NCKAP5: variants seen among roughly 807,000 people sequenced by gnomAD.
NCKAP5 encodes NCK associated protein 5.
NCKAP5 carries 92 observed loss-of-function variants against 167.0 expected under a neutral mutation model. The observed-to-expected ratio is 0.55, with a 90% CI of 0.47 to 0.66. The LOEUF is 0.66. Ranked by LOEUF, NCKAP5 falls within the 30% of genes least tolerant of loss-of-function variation. The pLI is 0.00. For missense variants in NCKAP5, 2,378 were observed against 2,315.0 expected (o/e 1.03, Z -0.56); for synonymous variants, 891 against 877.4 (o/e 1.02, Z -0.27).
At chr2:133,361,273 T>A (rs1685087567) in intron 3 of NCKAP5, among the ~76,000 whole-genome samples, 1 of 152,096 alleles carries the variant, frequency 6.6e-6, no homozygotes. Flanking sequence ...CATGTCCAGT[T>A]GAAGAACAGG....
intron 6 of NCKAP5, among the ~76,000 whole-genome samples, chr2:133,050,226 A>C (rs1322928443): frequency 3.3e-5 from 5 of 152,170 alleles, no homozygotes; most frequent in Non-Finnish European, 7.4e-5. Context: ...CACTTGGCAT[A>C]GTCTTAGTTA....
intron 3 of NCKAP5, among the ~76,000 whole-genome samples, chr2:133,357,288 GACACACACACACACACACAC>G (rs10635907): frequency 1.1e-4 from 15 of 140,190 alleles, no homozygotes; most frequent in Non-Finnish European, 2.0e-4. Flanking sequence ...CACATACACA[GACACACACACACACACACAC>G]ACACACACAC....
chr2:133,152,538 A>C (rs1395365024), intron 5 of NCKAP5, among the ~76,000 whole-genome samples: 1 of 152,208 alleles, frequency 6.6e-6, no homozygotes, highest in Admixed American at 6.5e-5. Context: ...GAAAAATTAT[A>C]ATTTCTCCCA....
chr2:133,281,364 A>G (rs560309622), intron 4 of NCKAP5, among the ~76,000 whole-genome samples: 1 of 152,146 alleles, frequency 6.6e-6, no homozygotes, highest in Admixed American at 6.6e-5. Flanking sequence ...TTTTCAATCT[A>G]TTTATTTTTA....
chr2:132,741,920 G>T (rs60814282), intron 16 of NCKAP5, among the ~76,000 whole-genome samples: 1 of 151,972 alleles, frequency 6.6e-6, no homozygotes, highest in Admixed American at 6.6e-5. Flanking sequence ...GGGCTTGTGC[G>T]TATGCAAGGC....
chr2:132,979,807 GA>G (rs2077077681), intron 7 of NCKAP5, among the ~76,000 whole-genome samples: 1 of 152,042 alleles, frequency 6.6e-6, no homozygotes, highest in African/African-American at 2.4e-5. Context: ...ATCTTCTCCA[GA>G]AGCTTTGCAT....
At chr2:133,228,556 G>A (rs1035510014) in intron 4 of NCKAP5, among the ~76,000 whole-genome samples, 10 of 152,100 alleles carry the variant, frequency 6.6e-5, no homozygotes, top group African/African-American at 2.4e-4. Flanking sequence ...ATATTTCTGT[G>A]TATTCCCACT....
intron 4 of NCKAP5, among the ~76,000 whole-genome samples, chr2:133,250,928 TCAAACAAA>T (rs201137645): frequency 5.9e-5 from 9 of 151,714 alleles, no homozygotes; most frequent in South Asian, 2.1e-4. Flanking sequence ...AGACCCTGTC[TCAAACAAA>T]CAAACAAACA....
At chr2:133,577,047 A>C in the NCKAP5 span, among the ~76,000 whole-genome samples, 1 of 152,204 alleles carries the variant, frequency 6.6e-6, no homozygotes, top group Non-Finnish European at 1.5e-5. Flanking sequence ...GGCAACTCAT[A>C]GAAATGCATT....
intron 3 of NCKAP5, among the ~76,000 whole-genome samples, chr2:133,424,072 A>T (rs1689642753): frequency 6.6e-6 from 1 of 152,192 alleles, no homozygotes; most frequent in Non-Finnish European, 1.5e-5. Context: ...ATTTAATGTG[A>T]CCCTGGGCAA....
chr2:133,281,499 T>C (rs561100600), intron 4 of NCKAP5, among the ~76,000 whole-genome samples: 1 of 152,286 alleles, frequency 6.6e-6, no homozygotes, highest in Admixed American at 6.5e-5. Flanking sequence ...GAATTTCTTA[T>C]GAAAGGAATA....
chr2:133,077,706 T>A (rs2080656755), intron 6 of NCKAP5, among the ~76,000 whole-genome samples: 2 of 152,180 alleles, frequency 1.3e-5, no homozygotes, highest in Non-Finnish European at 2.9e-5. Context: ...AAGGCTAGGC[T>A]TTTCTGATAA....
chr2:133,250,924 T>G (rs113684802), intron 4 of NCKAP5, among the ~76,000 whole-genome samples: 1 of 151,136 alleles, frequency 6.6e-6, no homozygotes, highest in Non-Finnish European at 1.5e-5. Context: ...GGTGAGACCC[T>G]GTCTCAAACA....
intron 8 of NCKAP5, among the ~76,000 whole-genome samples, chr2:132,934,009 C>G (rs1696647997): frequency 6.6e-6 from 1 of 152,208 alleles, no homozygotes; most frequent in South Asian, 2.1e-4. Context: ...AGCCCAACCT[C>G]TTCTCTACAG....
chr2:133,370,524 A>G (rs1224901496), intron 3 of NCKAP5, among the ~76,000 whole-genome samples: 1 of 152,156 alleles, frequency 6.6e-6, no homozygotes, highest in South Asian at 2.1e-4. Flanking sequence ...CTGGGTGATA[A>G]ATTGCCAGAT....
At chr2:133,279,697 C>T (rs1312988050) in intron 4 of NCKAP5, among the ~76,000 whole-genome samples, 1 of 152,210 alleles carries the variant, frequency 6.6e-6, no homozygotes, top group Non-Finnish European at 1.5e-5. Flanking sequence ...CTATACTTTT[C>T]AGCCACAACT....
intron 8 of NCKAP5, among the ~76,000 whole-genome samples, chr2:132,906,704 G>A (rs1694033845): frequency 6.6e-6 from 1 of 152,130 alleles, no homozygotes; most frequent in African/African-American, 2.4e-5. Flanking sequence ...GAATGGAAAG[G>A]GATAGTGGTG....
intron 3 of NCKAP5, among the ~76,000 whole-genome samples, chr2:133,435,435 T>C (rs1690413641): frequency 6.6e-6 from 1 of 152,148 alleles, no homozygotes; most frequent in Non-Finnish European, 1.5e-5. Flanking sequence ...GATAATAGGA[T>C]GACTAGGCAC....
intron 6 of NCKAP5, among the ~76,000 whole-genome samples, chr2:133,086,394 A>G (rs866946976): frequency 6.6e-6 from 1 of 152,150 alleles, no homozygotes; most frequent in Admixed American, 6.6e-5. Flanking sequence ...TCTCCGCACT[A>G]TGGGAGAACG....
Sources: allele counts gnomAD v4.1 joint callset (sites outside exome capture counted in the v4.1 genomes callset), GRCh38; gene constraint gnomAD v4.1.1; transcripts MANE v1.5; gene names NCBI Gene and HGNC (gene_info 2026-07-23, HGNC 2026-07-21).